SLCO6A1: variants seen among roughly 807,000 people sequenced by gnomAD.
SLCO6A1 encodes solute carrier organic anion transporter family member 6A1.
A neutral mutation model predicts 72.7 loss-of-function variants in SLCO6A1; 65 were observed. The observed-to-expected ratio is 0.89, with a 90% CI of 0.73 to 1.10. SLCO6A1 has a LOEUF of 1.10. Among genes scored for constraint, SLCO6A1 ranks in the 50% least tolerant of loss-of-function variants. SLCO6A1 has a pLI of 0.00. For synonymous variants in SLCO6A1, 314 were observed against 298.2 expected (o/e 1.05, Z -0.55); for missense variants, 874 against 872.6 (o/e 1.00, Z -0.02).
chr5:102,480,089 A>G (rs1235451698), intron 2 of SLCO6A1, 88 bp downstream of exon 2: 2 of 1,268,450 alleles, frequency 1.6e-6, no homozygotes, highest in Non-Finnish European at 2.2e-6. Context: ...ATACAGACAA[A>G]TAATTATCAC....
chr5:102,467,457 G>A (rs1751368437), intron 4 of SLCO6A1, among the ~76,000 whole-genome samples: 1 of 151,902 alleles, frequency 6.6e-6, no homozygotes, highest in Admixed American at 6.6e-5. Context: ...ATCTTGTGCA[G>A]GGGACCTCCC....
At chr5:102,411,175 G>A (rs1361629250) in intron 9 of SLCO6A1, among the ~76,000 whole-genome samples, 1 of 152,070 alleles carries the variant, frequency 6.6e-6, no homozygotes, top group African/African-American at 2.4e-5. Context: ...GTAGATAAGA[G>A]TTCCCCACTG....
chr5:102,475,821 TCAAA>T, intron 3 of SLCO6A1, 28 bp from the exon 4 acceptor site: 1 of 1,479,734 alleles, frequency 6.8e-7, no homozygotes, highest in South Asian at 1.3e-5. Context: ...AAACTGAACA[TCAAA>T]CAATTTCATA....
chr5:102,460,962 A>T (rs1471312594), intron 4 of SLCO6A1, among the ~76,000 whole-genome samples: 2 of 142,994 alleles, frequency 1.4e-5, no homozygotes, highest in East Asian at 4.5e-4. Flanking sequence ...ATATCTGCAT[A>T]TGCTACACTC....
intron 7 of SLCO6A1, among the ~76,000 whole-genome samples, chr5:102,432,318 G>A (rs1377709205): frequency 6.6e-6 from 1 of 152,058 alleles, no homozygotes; most frequent in Non-Finnish European, 1.5e-5. Flanking sequence ...TTGTGTGATT[G>A]CTTTATAGTG....
rs111320089 is a variant in SLCO6A1, at chr5:102,480,411, C to T, written c.382G>A (p.Val128Ile). The change falls in exon 2 of 14, where the codon GTC (valine) becomes ATC (isoleucine). Residue 128 changes from valine (V) to isoleucine (I), a missense_variant. Coordinates refer to ENST00000506729, the MANE Select transcript of SLCO6A1 (RefSeq NM_173488.5). Reference sequence around the variant, plus strand: ...TCCTTCTGAAAATCGCCAATGCTGACATCTATAAGACCAAACACCACACCT... The same window carrying T: ...TCCTTCTGAAAATCGCCAATGCTGATATCTATAAGACCAAACACCACACCT... ...CQGVVFGLID[V>I]SIGDFQKEYQ... 4.0e-4 allele frequency: 648 copies of T among 1,613,278 alleles called. 4 individuals are homozygous for T. In the African/African-American group the frequency reaches 7.5e-3, roughly 19 times the overall value.
chr5:102,449,760 G>A (rs545578415), intron 6 of SLCO6A1, among the ~76,000 whole-genome samples: 12 of 152,172 alleles, frequency 7.9e-5, no homozygotes, highest in Non-Finnish European at 1.3e-4. Context: ...CAAGTTGCTT[G>A]CTCTTTCTCC....
chr5:102,425,100 G>C (rs891270964), intron 7 of SLCO6A1, among the ~76,000 whole-genome samples: 2 of 152,056 alleles, frequency 1.3e-5, no homozygotes, highest in African/African-American at 4.8e-5. Flanking sequence ...CAATAAACTA[G>C]GTATTGATGG....
chr5:102,478,281 T>C (rs571664674), intron 2 of SLCO6A1, among the ~76,000 whole-genome samples: 13 of 152,304 alleles, frequency 8.5e-5, no homozygotes, highest in African/African-American at 2.4e-4. Flanking sequence ...TTTGTATATA[T>C]ATGCATTTGC....
At chr5:102,450,522 T>C (rs1049505534) in intron 6 of SLCO6A1, among the ~76,000 whole-genome samples, 1 of 152,222 alleles carries the variant, frequency 6.6e-6, no homozygotes, top group African/African-American at 2.4e-5. Context: ...GCAGCCATGC[T>C]CTCTCAGTGC....
At chr5:102,477,634 A>G (rs761809445) in intron 3 of SLCO6A1, 42 bp downstream of exon 3, 3 of 1,557,192 alleles carry the variant, frequency 1.9e-6, no homozygotes, top group Non-Finnish European at 2.6e-6. Context: ...ATTCAAAGAA[A>G]ACTCAAAATG....
intron 4 of SLCO6A1, among the ~76,000 whole-genome samples, chr5:102,468,041 C>T (rs1013671308): frequency 1.3e-5 from 2 of 152,036 alleles, no homozygotes; most frequent in South Asian, 2.1e-4. Flanking sequence ...TCACTATCAT[C>T]GTTCAGTTCA....
intron 7 of SLCO6A1, among the ~76,000 whole-genome samples, chr5:102,433,578 C>G (rs1329249418): frequency 6.6e-6 from 1 of 152,150 alleles, no homozygotes; most frequent in Non-Finnish European, 1.5e-5. Flanking sequence ...TCCTGGGGAC[C>G]AGTATTGGGC....
intron 6 of SLCO6A1, among the ~76,000 whole-genome samples, chr5:102,455,029 A>AC (rs1750634801): frequency 1.5e-5 from 1 of 67,224 alleles, no homozygotes; most frequent in African/African-American, 7.6e-5. Context: ...TATATATATA[A>AC]ATTATGTTAT....
chr5:102,419,528 C>T (rs1345999364), intron 8 of SLCO6A1, among the ~76,000 whole-genome samples: 1 of 152,198 alleles, frequency 6.6e-6, no homozygotes, highest in Non-Finnish European at 1.5e-5. Flanking sequence ...ACAGTTAGTA[C>T]TGTCTCCTAG....
intron 8 of SLCO6A1, among the ~76,000 whole-genome samples, chr5:102,413,374 A>G (rs1748097409): frequency 6.6e-6 from 1 of 151,482 alleles, no homozygotes; most frequent in African/African-American, 2.4e-5. Context: ...GCCAACAAAC[A>G]TAATAATCAA....
chr5:102,460,593 T>C (rs1750973023), intron 4 of SLCO6A1, among the ~76,000 whole-genome samples: 1 of 152,082 alleles, frequency 6.6e-6, no homozygotes, highest in African/African-American at 2.4e-5. Flanking sequence ...GGTTGATTAA[T>C]ACATAGACGC....
intron 7 of SLCO6A1, among the ~76,000 whole-genome samples, chr5:102,427,504 T>C (rs560912475): frequency 5.3e-5 from 8 of 152,200 alleles, no homozygotes; most frequent in African/African-American, 1.9e-4. Flanking sequence ...GGCAATTTTC[T>C]ATAGTGGGAC....
At chr5:102,446,817 C>A (rs561138563) in intron 6 of SLCO6A1, among the ~76,000 whole-genome samples, 1 of 152,172 alleles carries the variant, frequency 6.6e-6, no homozygotes, top group African/African-American at 2.4e-5. Context: ...TGCAGTGGAG[C>A]GATCTCGGCT....
Sources: gnomAD v4.1 joint callset for allele counts (sites outside exome capture counted in the v4.1 genomes callset) on GRCh38, gnomAD v4.1.1 for gene constraint, MANE v1.5 for transcripts, NCBI Gene and HGNC (gene_info 2026-07-23, HGNC 2026-07-21) for gene names.